SASS6: variants seen among roughly 807,000 people sequenced by gnomAD.
The protein encoded by SASS6 is spindle assembly abnormal protein 6 homolog.
In SASS6, 59 loss-of-function variants were observed where a neutral mutation model predicts 94.9. That is an observed-to-expected ratio of 0.62 (90% CI 0.50 to 0.77). The LOEUF is 0.77. SASS6 is among the 30% of genes least tolerant of loss of function. The pLI is 0.00. For synonymous variants in SASS6, 264 were observed against 270.0 expected, an observed-to-expected ratio of 0.98 and a Z score of 0.22; for missense variants, 698 against 734.1, an observed-to-expected ratio of 0.95 and a Z score of 0.57.
rs771717566 is a variant in SASS6, at chr1:100,088,268, AGT to A, written c.1675-34_1675-33del. 3 of 1,066,908 alleles carry A rather than the reference AGT, an allele frequency of 2.8e-6. No individual in the cohort carries two copies. The African/African-American group carries it at 4.7e-5, about 17-fold the overall frequency. 66.1% of individuals were successfully genotyped at this position (1,066,908 alleles called of 1,614,324 possible). ...GAAGGAAAAACATCTCATGTAACTG[AGT>A]TATATAGAAGTAGACAGTTTTGGGC... On this transcript the variant is annotated intron_variant, in intron 14 of 16. Transcript: ENST00000287482.
Position 100,119,023 on chromosome 1 carries a change from A to G in SASS6, c.664T>C (p.Leu222=). 2 of 1,564,632 alleles carry G rather than the reference A, an allele frequency of 1.3e-6. No homozygotes were observed. The highest frequency in any genetic ancestry group is 4.5e-5 in the East Asian group (2 of 44,178). Reference sequence around the variant, plus strand: ...GTTTCCTTTAATGTTCTTACCTGCAAGGCTTTTTCCTTTTCATTTGTCAGT... The same window carrying G: ...GTTTCCTTTAATGTTCTTACCTGCAGGGCTTTTTCCTTTTCATTTGTCAGT... ...QELTNEKEKA[L]QAQVQYQQQH... is the part of the protein sequence containing the mutation. The change falls in exon 7 of 17, where the codon TTG becomes CTG. Residue 222 remains leucine, a synonymous_variant. Coordinates refer to ENST00000287482, the MANE Select transcript of SASS6 (RefSeq NM_194292.3).
At chr1:100,101,993 G>A (rs1387087388) in intron 14 of SASS6, among the ~76,000 whole-genome samples, 3 of 151,920 alleles carry the variant, frequency 2.0e-5, no homozygotes, top group Non-Finnish European at 4.4e-5. Flanking sequence ...ATGTTTATTT[G>A]TCTCATTATT....
At position 100,122,505 on chromosome 1, in the gene SASS6, G is replaced by GA. The variant is rs747993363; in HGVS notation, c.207-22dup. 34 of 749,772 alleles carry GA rather than the reference G, an allele frequency of 4.5e-5. No individual in the cohort carries two copies. In the South Asian group the frequency reaches 5.6e-4, roughly 12 times the overall value. The allele number at this position is 749,772 out of a possible 1,614,324, so 46.4% of individuals were successfully genotyped here. ...TTAAACTATACAGAAGAAAGGAAAA[G>GA]AAATTTTTTAAAAATTTTAATTAAC... On this transcript the variant is annotated intron_variant, in intron 3 of 16. Coordinates refer to ENST00000287482, the MANE Select transcript of SASS6 (RefSeq NM_194292.3).
At chr1:100,100,245 G>A (rs1297110530) in intron 14 of SASS6, among the ~76,000 whole-genome samples, 1 of 152,152 alleles carries the variant, frequency 6.6e-6, no homozygotes, top group African/African-American at 2.4e-5. Flanking sequence ...TAGCCTTGGT[G>A]ACAGAGTGAG....
In SASS6 at chr1:100,085,706, A is replaced by G. The variant is rs1570678225; in HGVS notation, c.1773-76T>C. The G allele has an allele frequency of 7.6e-6, 6 of 788,194 alleles. No individual in the cohort carries two copies. The East Asian group carries it at 1.6e-4, about 21-fold the overall frequency. The allele number at this position is 788,194 out of a possible 1,614,324, so 48.8% of individuals were successfully genotyped here. A position where few individuals can be genotyped will look rare whatever the true frequency, so the allele number is the denominator to read the frequency against. The stretch of plus-strand genomic sequence containing the variant: ...GAAGGTTTATCTCATATGTATACAT[A>G]TATATAAGATAATGTAACTAAGTTC... On this transcript the variant is annotated intron_variant, in intron 15 of 16. Transcript: ENST00000287482.
intron 14 of SASS6, among the ~76,000 whole-genome samples, chr1:100,096,460 T>G (rs1489928531): frequency 6.6e-6 from 1 of 152,150 alleles, no homozygotes; most frequent in Non-Finnish European, 1.5e-5. Flanking sequence ...GGAGAAAATG[T>G]TTTCAACCTG....
chr1:100,109,717 T>C (rs1389359868), intron 8 of SASS6, among the ~76,000 whole-genome samples: 92 of 152,214 alleles, frequency 6.0e-4, no homozygotes, highest in Non-Finnish European at 8.0e-4. Flanking sequence ...TATGTGACCT[T>C]AGGCAACTTA....
chr1:100,114,588 T>C (rs757825302), intron 7 of SASS6, among the ~76,000 whole-genome samples: 2 of 151,856 alleles, frequency 1.3e-5, no homozygotes, highest in Admixed American at 6.6e-5. Flanking sequence ...CCTGGTGGTC[T>C]GTATCTGTGG....
At chr1:100,089,754 T>A (rs975265269) in intron 14 of SASS6, among the ~76,000 whole-genome samples, 3 of 152,074 alleles carry the variant, frequency 2.0e-5, no homozygotes, top group African/African-American at 7.2e-5. Context: ...ATAAGAGATC[T>A]TAGTTATTGA....
chr1:100,101,225 T>A (rs1412240168), intron 14 of SASS6, among the ~76,000 whole-genome samples: 4 of 152,124 alleles, frequency 2.6e-5, no homozygotes, highest in African/African-American at 9.6e-5. Flanking sequence ...TCCGCCTTCT[T>A]AACCAATAAT....
In SASS6 at chr1:100,088,030, A is replaced by G. The variant is rs1651430047; in HGVS notation, c.1772+109T>C. The G allele has an allele frequency of 5.5e-6, 3 of 548,994 alleles. No individual in the cohort carries two copies. In the South Asian group the frequency reaches 8.1e-5, roughly 15 times the overall value. The allele number at this position is 548,994 out of a possible 1,614,324, so 34.0% of individuals were successfully genotyped here. On this transcript the variant is annotated intron_variant, in intron 15 of 16. Transcript: ENST00000287482. The stretch of plus-strand genomic sequence containing the variant: ...TAAATTCCAATGATCAGTAACTTGA[A>G]ATGTCTCAGGTAAACAGGTGGGCAT...
At chr1:100,096,053 T>A (rs1386051219) in intron 14 of SASS6, among the ~76,000 whole-genome samples, 1 of 152,180 alleles carries the variant, frequency 6.6e-6, no homozygotes, top group Non-Finnish European at 1.5e-5. Flanking sequence ...ATTGAGAAGG[T>A]GACCATTTTC....
At chr1:100,132,636 G>A in intron 1 of SASS6, 114 bp downstream of exon 1, 1 of 887,170 alleles carries the variant, frequency 1.1e-6, no homozygotes. Flanking sequence ...GCTTCCTAGG[G>A]GGGCCGACTC....
intron 14 of SASS6, among the ~76,000 whole-genome samples, chr1:100,102,612 A>G (rs1652583948): frequency 6.7e-6 from 1 of 148,492 alleles, no homozygotes; most frequent in African/African-American, 2.5e-5. Context: ...CAGGAGGCAG[A>G]GGCTGCAGTG....
At chr1:100,095,836 A>C (rs1652069782) in intron 14 of SASS6, among the ~76,000 whole-genome samples, 1 of 152,234 alleles carries the variant, frequency 6.6e-6, no homozygotes. Context: ...TAAAACACTT[A>C]AGAATAAATT....
At chr1:100,130,392 G>A (rs1046444447) in intron 1 of SASS6, among the ~76,000 whole-genome samples, 1 of 152,140 alleles carries the variant, frequency 6.6e-6, no homozygotes, top group Non-Finnish European at 1.5e-5. Flanking sequence ...CTCAACCAAG[G>A]CGTCTGGGCT....
chr1:100,110,423 G>T lies in SASS6; in HGVS notation c.730C>A (p.Gln244Lys). 6.2e-7 allele frequency: 1 copy of T among 1,611,326 alleles called. No individual in the cohort carries two copies. The highest frequency in any genetic ancestry group is 8.5e-7 in the Non-Finnish European group (1 of 1,178,052). ...QQKKDLEILH[Q>K]QNIHQLQNRL... ...TTTTGTAGCTGGTGGATGTTTTGTTGATGGAGGATTTCTAAATCTTTTTTC... is the reference window on the plus strand; with the variant it reads ...TTTTGTAGCTGGTGGATGTTTTGTTTATGGAGGATTTCTAAATCTTTTTTC... Residue 244 changes from glutamine (Q) to lysine (K), a missense_variant, in exon 8 of 17, where the codon CAA becomes AAA. Transcript: ENST00000287482.
chr1:100,124,710 C>T (rs564710888), intron 2 of SASS6, among the ~76,000 whole-genome samples: 1 of 152,228 alleles, frequency 6.6e-6, no homozygotes, highest in Admixed American at 6.5e-5. Flanking sequence ...TTCTCTGTTC[C>T]AGTGGCCCCC....
Position 100,122,478 on chromosome 1 carries a change from T to C in SASS6, c.213A>G (p.Lys71=), listed in dbSNP as rs577740475. 21 of 1,436,356 alleles carry C rather than the reference T, an allele frequency of 1.5e-5. No individual in the cohort carries two copies. The highest frequency in any genetic ancestry group is 7.0e-5 in the African/African-American group (5 of 71,138). The allele number at this position is 1,436,356 out of a possible 1,614,324, so 89.0% of individuals were successfully genotyped here. Residue 71 remains lysine, a synonymous_variant, in exon 4 of 17, where the codon AAA becomes AAG. Coordinates refer to ENST00000287482, the MANE Select transcript of SASS6 (RefSeq NM_194292.3). ...AGTCTACCAGAAGACCTTGCTGGAA[T>C]TTTAAACTATACAGAAGAAAGGAAA... ...VISEEDFQSL[K]FQQGLLVDFL... is the part of the protein sequence containing the mutation.
Sources: allele counts gnomAD v4.1 joint callset (sites outside exome capture counted in the v4.1 genomes callset), GRCh38; gene constraint gnomAD v4.1.1; transcripts MANE v1.5; gene names NCBI Gene and HGNC (gene_info 2026-07-23, HGNC 2026-07-21).